FRMPD4: variants seen among roughly 807,000 people sequenced by gnomAD.
FRMPD4 encodes FERM and PDZ domain-containing protein 4.
FRMPD4 carries 22 observed loss-of-function variants against 94.1 expected under a neutral mutation model. The ratio of observed to expected loss-of-function variants is 0.23; its 90% CI spans 0.17 to 0.33. The LOEUF (loss-of-function observed/expected upper bound fraction) is 0.33, where lower values mean the gene tolerates loss of function less well. Among genes scored for constraint, FRMPD4 ranks in the 10% least tolerant of loss-of-function variants. The pLI is 1.00. For missense variants in FRMPD4, 1,111 were observed against 1,339.9 expected, an observed-to-expected ratio of 0.83 and a Z score of 2.67; for synonymous variants, 631 against 548.6, an observed-to-expected ratio of 1.15 and a Z score of -2.10.
chrX:11,993,790 T>A (rs1036064947), intron 3 of FRMPD4, among the ~76,000 whole-genome samples: 4 of 111,964 alleles, frequency 3.6e-5, no homozygotes, highest in African/African-American at 1.3e-4. Context: ...AGGAATACAG[T>A]CAGTTTTTTG....
chrX:12,119,785 C>T (rs1009312397), intron 3 of FRMPD4, among the ~76,000 whole-genome samples: 13 of 112,081 alleles, frequency 1.2e-4, no homozygotes, highest in African/African-American at 4.2e-4. Flanking sequence ...TCATTCGCAC[C>T]GCAAAGCTAT....
At chrX:12,673,880 C>T (rs2059868332) in intron 4 of FRMPD4, among the ~76,000 whole-genome samples, 2 of 112,027 alleles carry the variant, frequency 1.8e-5, no homozygotes, top group South Asian at 3.8e-4. Context: ...GTGAGTGGGC[C>T]GAGCCACAAA....
chrX:12,309,179 G>T (rs2054991934), intron 1 of FRMPD4, among the ~76,000 whole-genome samples: 1 of 111,742 alleles, frequency 8.9e-6, no homozygotes, highest in African/African-American at 3.3e-5. Flanking sequence ...ACCAAAACAG[G>T]TGGCTGTGGA....
At chrX:11,955,697 G>T (rs1179478884) in intron 3 of FRMPD4, among the ~76,000 whole-genome samples, 1 of 103,904 alleles carries the variant, frequency 9.6e-6, no homozygotes, top group Non-Finnish European at 2.0e-5. Flanking sequence ...AGCCGAGATT[G>T]CACCACTGCA....
Position 12,248,696 on chromosome X carries a change from A to T in FRMPD4, c.41+109684A>T, listed in dbSNP as rs182974124. On this transcript the variant is annotated intron_variant, in intron 1 of 16. Coordinates refer to ENST00000675598, the MANE Select transcript of FRMPD4 (RefSeq NM_001368397.1). ...AATGCTCGGTCATAACCCCGATGAC[A>T]TTTTGATGTCTGTTCTTTTAGCCTT... Among the ~76,000 whole-genome samples the T allele has an allele frequency of 2.9e-4, 33 of 112,620 alleles. 1 individual carries two copies. The highest frequency in any genetic ancestry group is 2.8e-3 in the Admixed American group (30 of 10,712).
At chrX:11,822,613 C>A (rs1047088725) in exon 1 of FRMPD4, among the ~76,000 whole-genome samples, 1 of 112,383 alleles carries the variant, frequency 8.9e-6, no homozygotes, top group Admixed American at 9.4e-5. Context: ...AGCCAGGAGG[C>A]AAGCCTGAGG....
At chrX:12,099,561 T>C (rs2055236666) in intron 3 of FRMPD4, among the ~76,000 whole-genome samples, 1 of 111,963 alleles carries the variant, frequency 8.9e-6, no homozygotes, top group Non-Finnish European at 1.9e-5. Context: ...CACTTGATCT[T>C]AGCAAGACCA....
intron 3 of FRMPD4, among the ~76,000 whole-genome samples, chrX:12,038,388 C>A (rs2054731459): frequency 8.9e-6 from 1 of 112,082 alleles, no homozygotes; most frequent in African/African-American, 3.2e-5. Context: ...GTGCTTTTAG[C>A]AGCTTATTTG....
At chrX:12,626,976 A>C (rs1256519024) in intron 4 of FRMPD4, among the ~76,000 whole-genome samples, 1 of 111,426 alleles carries the variant, frequency 9.0e-6, no homozygotes, top group Non-Finnish European at 1.9e-5. Context: ...GATGCTGCTT[A>C]GTAAAATAAC....
At chrX:12,351,939 C>A (rs765130663) in intron 1 of FRMPD4, among the ~76,000 whole-genome samples, 1 of 112,375 alleles carries the variant, frequency 8.9e-6, no homozygotes, top group East Asian at 2.8e-4. Flanking sequence ...TGACCTATTA[C>A]AAATTGTGCT....
At chrX:12,282,605 G>A (rs1417868329) in intron 1 of FRMPD4, among the ~76,000 whole-genome samples, 2 of 111,656 alleles carry the variant, frequency 1.8e-5, no homozygotes, top group East Asian at 5.6e-4. Context: ...AATGCTTAGG[G>A]GCATTTAAAC....
intron 2 of FRMPD4, among the ~76,000 whole-genome samples, chrX:12,512,762 G>A (rs1480197336): frequency 1.8e-5 from 2 of 112,247 alleles, no homozygotes; most frequent in African/African-American, 6.5e-5. Context: ...TGAGTCAAAT[G>A]GTATTTCTGG....
chrX:12,502,154 G>A (rs2057928909), intron 2 of FRMPD4, among the ~76,000 whole-genome samples: 1 of 111,635 alleles, frequency 9.0e-6, no homozygotes, highest in South Asian at 3.7e-4. Flanking sequence ...GAACAGCTAT[G>A]GTTGCTGCTG....
At chrX:12,694,818 T>G (rs756843010) in intron 9 of FRMPD4, among the ~76,000 whole-genome samples, 5 of 112,291 alleles carry the variant, frequency 4.5e-5, no homozygotes, top group Non-Finnish European at 7.5e-5. Flanking sequence ...AAAATAATTC[T>G]GGTTTACTCC....
intron 3 of FRMPD4, among the ~76,000 whole-genome samples, chrX:12,064,147 C>A (rs1268634282): frequency 1.8e-5 from 2 of 112,642 alleles, no homozygotes; most frequent in African/African-American, 6.4e-5. Context: ...TGAAAGTCAA[C>A]TGTATTTGTG....
chrX:12,024,188 A>G (rs1287599420), intron 3 of FRMPD4, among the ~76,000 whole-genome samples: 3 of 111,805 alleles, frequency 2.7e-5, no homozygotes, highest in African/African-American at 9.8e-5. Context: ...ATGAAGGTTG[A>G]ATTATAGCTC....
At chrX:12,425,551 T>C (rs1318841679) in intron 1 of FRMPD4, among the ~76,000 whole-genome samples, 2 of 111,905 alleles carry the variant, frequency 1.8e-5, no homozygotes, top group African/African-American at 6.5e-5. Context: ...ATTTCTTATG[T>C]CTCATGCATT....
intron 3 of FRMPD4, among the ~76,000 whole-genome samples, chrX:11,948,067 G>GAACT (rs1381196590): frequency 1.1e-5 from 1 of 94,214 alleles, no homozygotes; most frequent in Non-Finnish European, 2.1e-5. Flanking sequence ...TCCAGCCTGG[G>GAACT]CAACAAGAGT....
intron 2 of FRMPD4, among the ~76,000 whole-genome samples, chrX:12,561,219 CAATT>C (rs778654505): frequency 5.4e-5 from 6 of 112,028 alleles, no homozygotes; most frequent in East Asian, 2.8e-4. Context: ...CTTTTTCAAT[CAATT>C]GAGGACTGAT....
Sources: allele counts gnomAD v4.1 joint callset (sites outside exome capture counted in the v4.1 genomes callset), GRCh38; gene constraint gnomAD v4.1.1; transcripts MANE v1.5; gene names NCBI Gene and HGNC (gene_info 2026-07-23, HGNC 2026-07-21).